CDH22: variants seen among roughly 807,000 people sequenced by gnomAD.
CDH22 encodes the protein cadherin-22.
A neutral mutation model predicts 58.4 loss-of-function variants in CDH22; 30 were observed. That is an observed-to-expected ratio of 0.51 (90% CI 0.38 to 0.70). CDH22 has a LOEUF of 0.70. Among genes scored for constraint, CDH22 ranks in the 30% least tolerant of loss-of-function variants. CDH22 has a pLI of 0.00. For missense variants in CDH22, 1,014 were observed against 1,233.9 expected, an observed-to-expected ratio of 0.82 and a Z score of 2.67; for synonymous variants, 513 against 558.2, an observed-to-expected ratio of 0.92 and a Z score of 1.14.
chr20:46,244,652 T>A (rs2086315688), intron 2 of CDH22, among the ~76,000 whole-genome samples: 1 of 152,186 alleles, frequency 6.6e-6, no homozygotes, highest in African/African-American at 2.4e-5. Flanking sequence ...AAAGCCCAGT[T>A]TGGTTTCTCT....
intron 1 of CDH22, among the ~76,000 whole-genome samples, chr20:46,253,567 G>A (rs1429103520): frequency 6.6e-6 from 1 of 152,142 alleles, no homozygotes; most frequent in East Asian, 1.9e-4. Context: ...CCCAACCCTG[G>A]CAGCCCTGCT....
rs1555800211 is a variant in CDH22 at position 46,181,748 on chromosome 20, C to CTTCCTTCCTTCCTTCGTTCG, written c.1664-3552_1664-3551insCGAACGAAGGAAGGAAGGAA. ...CCTTCCTTCCTTCCTTCCTTCCTTC[C>CTTCCTTCCTTCCTTCGTTCG]TTCCTTCTTTCTTTCTTTCTTTCTT... On this transcript the variant is annotated intron_variant, in intron 10 of 11. Transcript: ENST00000537909. Among the ~76,000 whole-genome samples, 59 of 26,284 alleles carry CTTCCTTCCTTCCTTCGTTCG rather than the reference C, an allele frequency of 2.2e-3. 2 individuals carry two copies. Among genetic ancestry groups the CTTCCTTCCTTCCTTCGTTCG allele is most frequent in the Non-Finnish European group, 3.5e-3 (42 of 11,954 alleles). The allele number at this position is 26,284 out of a possible 152,430, so 17.2% of individuals were successfully genotyped here.
chr20:46,223,639 T>G (rs1350502239), intron 4 of CDH22, among the ~76,000 whole-genome samples: 1 of 151,136 alleles, frequency 6.6e-6, no homozygotes, highest in Non-Finnish European at 1.5e-5. Context: ...TTTTCTTTCT[T>G]TCTTTCTTTC....
chr20:46,284,806 G>T (rs1366145212), intron 1 of CDH22, among the ~76,000 whole-genome samples: 3 of 152,170 alleles, frequency 2.0e-5, no homozygotes, highest in African/African-American at 7.2e-5. Flanking sequence ...GTGGGAAGGA[G>T]GCATGGAGGG....
At chr20:46,226,827 G>C (rs2086178539) in intron 4 of CDH22, among the ~76,000 whole-genome samples, 1 of 152,164 alleles carries the variant, frequency 6.6e-6, no homozygotes, top group African/African-American at 2.4e-5. Context: ...GACCTCAAGT[G>C]AGTCACTTCA....
In CDH22 at chr20:46,251,440, G is replaced by A. The variant is rs573087308; in HGVS notation, c.-146C>T. 4.6e-5 allele frequency: 45 copies of A among 980,164 alleles called. No homozygotes were observed. The highest frequency in any genetic ancestry group is 5.4e-5 in the Non-Finnish European group (40 of 743,412). The allele number at this position is 980,164 out of a possible 1,614,324, so 60.7% of individuals were successfully genotyped here. A position where few individuals can be genotyped will look rare whatever the true frequency, so the allele number is the denominator to read the frequency against. Reference sequence around the variant, plus strand: ...GTCGCCCCCGACGGGGCACCCGGACGGGCCCGCGGCCCTGAACGCCGCCCA... The same window carrying A: ...GTCGCCCCCGACGGGGCACCCGGACAGGCCCGCGGCCCTGAACGCCGCCCA... On this transcript the variant is annotated 5_prime_UTR_variant, in exon 2 of 12. Transcript: ENST00000537909. The surrounding 1 kb of genome is among the most constrained non-coding windows in gnomAD (Gnocchi z 6.7).
chr20:46,244,121 T>C (rs1162618375), intron 2 of CDH22, among the ~76,000 whole-genome samples: 1 of 152,244 alleles, frequency 6.6e-6, no homozygotes, highest in African/African-American at 2.4e-5. Flanking sequence ...GGTTGTTTCC[T>C]TCCCTTTCCA....
Position 46,241,160 on chromosome 20 carries a change from T to C in CDH22, c.353A>G (p.Asp118Gly), listed in dbSNP as rs773092943. Reference protein sequence around the residue: ...TIFLIDELTGDIHAMERLDRE... With the variant: ...TIFLIDELTGGIHAMERLDRE... ...GTCCAGGCGCTCCATGGCATGAATGTCGCCTGTCAGCTCGTCGATCAGGAA... is the reference window on the plus strand; with the variant it reads ...GTCCAGGCGCTCCATGGCATGAATGCCGCCTGTCAGCTCGTCGATCAGGAA... The change falls in exon 3 of 12, where the codon GAC (aspartate) becomes GGC (glycine). Residue 118 changes from aspartate to glycine, a missense_variant. Asp to Gly is a moderately conservative substitution (Grantham distance 94). Coordinates refer to ENST00000537909, the MANE Select transcript of CDH22 (RefSeq NM_021248.3). The surrounding 1 kb of genome is among the most constrained non-coding windows in gnomAD (Gnocchi z 5.2). 6.2e-7 allele frequency: 1 copy of C among 1,614,166 alleles called. No homozygotes were observed. The highest frequency in any genetic ancestry group is 1.1e-5 in the South Asian group (1 of 91,088).
chr20:46,199,636 C>A, intron 7 of CDH22, 77 bp from the exon 8 acceptor site: 1 of 1,531,414 alleles, frequency 6.5e-7, no homozygotes, highest in African/African-American at 1.4e-5. Flanking sequence ...CCCAACCCCA[C>A]TCCAAGAGAG....
At chr20:46,177,794 G>A (rs1228749970) in intron 11 of CDH22, 152 bp downstream of exon 11, 2 of 985,270 alleles carry the variant, frequency 2.0e-6, no homozygotes, top group South Asian at 1.7e-5. Flanking sequence ...ACTCCTCATG[G>A]GGGCTGCTTG....
chr20:46,226,255 TCTTCTTCTTCTTCTTCTTCTTCTTCTTC>T (rs2086171500), intron 4 of CDH22, among the ~76,000 whole-genome samples: 1 of 10,568 alleles, frequency 9.5e-5, no homozygotes. Flanking sequence ...TTCTTCTTCT[TCTTCTTCTTCTTCTTCTTCTTCTTCTTC>T]TTCTTCTTCT....
chr20:46,286,268 C>T (rs2145772623), intron 1 of CDH22, among the ~76,000 whole-genome samples: 1 of 152,294 alleles, frequency 6.6e-6, no homozygotes, highest in East Asian at 1.9e-4. Context: ...GATTTGAACC[C>T]AGCTGCCTGG....
At position 46,241,263 on chromosome 20, in the gene CDH22, T is replaced by C; in HGVS notation, c.256-6A>G. 6 of 1,584,000 alleles carry C rather than the reference T, an allele frequency of 3.8e-6. No individual in the cohort carries two copies. The highest frequency in any genetic ancestry group is 5.2e-6 in the Non-Finnish European group (6 of 1,161,318). On this transcript the variant is annotated splice_polypyrimidine_tract_variant and splice_region_variant and intron_variant, in intron 2 of 11. Coordinates refer to ENST00000537909, the MANE Select transcript of CDH22 (RefSeq NM_021248.3). The surrounding 1 kb of genome is among the most constrained non-coding windows in gnomAD (Gnocchi z 5.2). ...TCGTCTGAGTCGGAGTGGATCTGGG[T>C]AGGCAGAGAAGAAGGCAAGGTGGAG...
chr20:46,195,503 T>C (rs953947880), intron 8 of CDH22, among the ~76,000 whole-genome samples: 1 of 152,180 alleles, frequency 6.6e-6, no homozygotes. Flanking sequence ...CCTGGACATC[T>C]AGCTATTACC....
At chr20:46,302,221 C>T (rs899613703) in intron 1 of CDH22, among the ~76,000 whole-genome samples, 5 of 152,178 alleles carry the variant, frequency 3.3e-5, no homozygotes, top group Admixed American at 2.0e-4. Context: ...TCATACAGGG[C>T]TTGGTTTCTC....
intron 3 of CDH22, among the ~76,000 whole-genome samples, chr20:46,229,299 C>CG (rs34527413): frequency 2.0e-5 from 3 of 147,052 alleles, no homozygotes; most frequent in Non-Finnish European, 3.0e-5. Context: ...GCCCCCCCCC[C>CG]CAATTTTACA....
At chr20:46,286,979 C>G (rs2086579497) in intron 1 of CDH22, among the ~76,000 whole-genome samples, 1 of 152,158 alleles carries the variant, frequency 6.6e-6, no homozygotes, top group African/African-American at 2.4e-5. Context: ...TTTATTCATC[C>G]ATTCAATCAA....
At chr20:46,256,996 G>A (rs1217308495) in intron 1 of CDH22, among the ~76,000 whole-genome samples, 1 of 139,270 alleles carries the variant, frequency 7.2e-6, no homozygotes, top group African/African-American at 2.7e-5. Context: ...GACAGAGTGA[G>A]ACCCTGTCTC....
At chr20:46,192,239 T>G (rs964559331) in intron 8 of CDH22, among the ~76,000 whole-genome samples, 2 of 152,206 alleles carry the variant, frequency 1.3e-5, no homozygotes, top group Non-Finnish European at 2.9e-5. Flanking sequence ...TAAAGATGTG[T>G]CAAATGAATG....
Sources: allele counts gnomAD v4.1 joint callset (sites outside exome capture counted in the v4.1 genomes callset), GRCh38; gene constraint gnomAD v4.1.1; non-coding constraint Gnocchi (gnomAD v3.1); transcripts MANE v1.5; gene names NCBI Gene and HGNC (gene_info 2026-07-23, HGNC 2026-07-21).